The following PABPC1L variants were observed in gnomAD, a reference collection of about 807,000 sequenced individuals.
PABPC1L encodes polyadenylate-binding protein 1-like.
A neutral mutation model predicts 66.6 loss-of-function variants in PABPC1L; 31 were observed. The observed-to-expected ratio is 0.47, with a 90% confidence interval of 0.35 to 0.63. The LOEUF (loss-of-function observed/expected upper bound fraction) is 0.63, where lower values mean the gene tolerates loss of function less well. Among genes scored for constraint, PABPC1L ranks in the 20% least tolerant of loss-of-function variants. PABPC1L has a pLI of 0.00. For synonymous variants in PABPC1L, 348 were observed against 335.1 expected, an observed-to-expected ratio of 1.04 and a Z score of -0.42; for missense variants, 722 against 848.8, an observed-to-expected ratio of 0.85 and a Z score of 1.86.
In PABPC1L at chr20:44,911,886, C is replaced by G. The variant is rs368132767; in HGVS notation, c.194-774C>G. On this transcript the variant is annotated intron_variant, in intron 1 of 14. Coordinates refer to ENST00000217073, the MANE Select transcript of PABPC1L (RefSeq NM_001372179.1). The stretch of plus-strand genomic sequence containing the variant: ...TGCTCCACTGTGTTCCCCACAGCCC[C>G]CTTCCATGTCTCTGCACTAGCAGAC... Among the ~76,000 whole-genome samples the G allele has an allele frequency of 3.3e-5, 5 of 152,200 alleles. No individual in the cohort carries two copies. The East Asian group carries it at 5.8e-4, about 18-fold the overall frequency.
chr20:44,911,769 G>A (rs1004232695), intron 1 of PABPC1L, among the ~76,000 whole-genome samples: 3 of 152,152 alleles, frequency 2.0e-5, no homozygotes, highest in African/African-American at 7.2e-5. Context: ...GAATGAAGTG[G>A]GACTCGGCCT....
chr20:44,921,727 A>T lies in PABPC1L; in HGVS notation c.872A>T (p.Tyr291Phe). ...ATGAAGCAGGACCGGCTGAGGCGTT[A>T]CCAGGTGAGGTCAGGCTTCCTGGTG... is the stretch of plus-strand genomic sequence containing the variant. ...EQMKQDRLRRYQGVNLYVKNL... is the reference protein window; with the variant it reads ...EQMKQDRLRRFQGVNLYVKNL... Residue 291 changes from tyrosine to phenylalanine, a missense_variant, in exon 6 of 15, where the codon TAC becomes TTC. This residue lies in a region of PABPC1L where 137 missense variants were observed against 216.8 expected (regional missense o/e 0.63). Transcript: ENST00000217073. The T allele has an allele frequency of 6.2e-7, 1 of 1,613,290 alleles. No homozygotes were observed. The highest frequency in any genetic ancestry group is 8.5e-7 in the Non-Finnish European group (1 of 1,179,720).
chr20:44,913,568 G>A (rs561742817), intron 2 of PABPC1L, among the ~76,000 whole-genome samples: 5 of 152,086 alleles, frequency 3.3e-5, no homozygotes, highest in African/African-American at 9.6e-5. Flanking sequence ...TTACAGGTGC[G>A]AGCCACCATG....
chr20:44,919,039 C>A lies in PABPC1L; in HGVS notation c.637C>A (p.Gln213Lys). The part of the protein sequence containing the change: ...DEQGLQDLFS[Q>K]FGKMLSVKVM... ...GCAAGGCCTGCAGGACCTCTTCTCC[C>A]AGTTTGGTGGGTGTGTCCCCAAGGG... is the stretch of plus-strand genomic sequence containing the variant. Residue 213 changes from glutamine to lysine, a missense_variant, in exon 4 of 15, where the codon CAG becomes AAG. Physicochemically the swap from Gln to Lys is moderately conservative, Grantham distance 53. Transcript: ENST00000217073. 1.9e-6 allele frequency: 3 copies of A among 1,611,156 alleles called. No individual in the cohort carries two copies. Among genetic ancestry groups the A allele is most frequent in the Non-Finnish European group, 2.5e-6 (3 of 1,178,452 alleles).
At chr20:44,936,823 G>C in intron 12 of PABPC1L, 93 bp downstream of exon 12, 1 of 1,317,176 alleles carries the variant, frequency 7.6e-7, no homozygotes, top group Non-Finnish European at 1.1e-6. Flanking sequence ...GGTCCAACGT[G>C]AGGTCAAATT....
chr20:44,928,864 C>CAAA (rs10597679), intron 7 of PABPC1L, among the ~76,000 whole-genome samples: 25 of 54,338 alleles, frequency 4.6e-4, no homozygotes, highest in South Asian at 8.6e-4. Context: ...GATCCTGACT[C>CAAA]AAAAAAAAAA....
At chr20:44,927,304 A>G (rs148504391) in intron 7 of PABPC1L, among the ~76,000 whole-genome samples, 7 of 152,168 alleles carry the variant, frequency 4.6e-5, no homozygotes, top group African/African-American at 1.7e-4. Context: ...GCTAAATTTT[A>G]TCATTATTAA....
chr20:44,921,100 C>T (rs2066769795), intron 5 of PABPC1L, among the ~76,000 whole-genome samples: 1 of 151,696 alleles, frequency 6.6e-6, no homozygotes, highest in South Asian at 2.1e-4. Context: ...AGGTGTGAGC[C>T]ACTGTGCCTG....
chr20:44,924,245 A>G lies in PABPC1L; in HGVS notation c.961A>G (p.Thr321Ala). The change falls in exon 7 of 15, where the codon ACC (threonine) becomes GCC (alanine). Residue 321 changes from threonine (T) to alanine (A), a missense_variant. By Grantham distance (58) the Thr-to-Ala change is moderately conservative. This residue lies in a region of PABPC1L where 137 missense variants were observed against 216.8 expected (regional missense o/e 0.63). Transcript: ENST00000217073. Reference protein sequence around the residue: ...RKEFSPYGVITSAKVMTEGGH... With the variant: ...RKEFSPYGVIASAKVMTEGGH... ...AGAGTTCTCTCCCTATGGAGTAATTACCAGTGCGAAGGTGAGGACTGGGGG... is the reference window on the plus strand; with the variant it reads ...AGAGTTCTCTCCCTATGGAGTAATTGCCAGTGCGAAGGTGAGGACTGGGGG... The G allele has an allele frequency of 6.2e-7, 1 of 1,613,234 alleles. No individual in the cohort carries two copies. Among genetic ancestry groups the G allele is most frequent in the Non-Finnish European group, 8.5e-7 (1 of 1,179,240 alleles).
intron 1 of PABPC1L, among the ~76,000 whole-genome samples, chr20:44,911,998 CATT>C (rs2066708818): frequency 6.6e-6 from 1 of 152,192 alleles, no homozygotes; most frequent in Non-Finnish European, 1.5e-5. Context: ...TGTTTTGAGA[CATT>C]ATTTTGTGTC....
Position 44,938,092 on chromosome 20 carries a change from C to T in PABPC1L, c.1692C>T (p.Val564=). Residue 564 remains valine, a synonymous_variant, in exon 13 of 15, where the codon GTC becomes GTT. Coordinates refer to ENST00000217073, the MANE Select transcript of PABPC1L (RefSeq NM_001372179.1). ...GTCTCTACCCCCTTATCCATGATGTCCACACCCAGCTGGCTGGCAAGATCA... is the reference window on the plus strand; with the variant it reads ...GTCTCTACCCCCTTATCCATGATGTTCACACCCAGCTGGCTGGCAAGATCA... ...GERLYPLIHD[V]HTQLAGKITG... 6.2e-7 allele frequency: 1 copy of T among 1,614,172 alleles called. No homozygotes were observed. The highest frequency in any genetic ancestry group is 8.5e-7 in the Non-Finnish European group (1 of 1,180,034).
At chr20:44,923,402 C>A (rs1014943383) in intron 6 of PABPC1L, among the ~76,000 whole-genome samples, 44 of 152,104 alleles carry the variant, frequency 2.9e-4, no homozygotes, top group African/African-American at 1.0e-3. Context: ...GTGGGCAGAT[C>A]ACCTGAGGTC....
intron 10 of PABPC1L, among the ~76,000 whole-genome samples, chr20:44,934,410 A>C (rs1269366692): frequency 6.6e-6 from 1 of 152,158 alleles, no homozygotes; most frequent in Non-Finnish European, 1.5e-5. Flanking sequence ...GTGCACTGTC[A>C]CCACCATCCA....
Position 44,912,778 on chromosome 20 carries a change from G to A in PABPC1L, c.312G>A (p.Lys104=), listed in dbSNP as rs1177675534. The change falls in exon 2 of 15, where the codon AAG becomes AAA. Residue 104 remains lysine (K), a synonymous_variant. Coordinates refer to ENST00000217073, the MANE Select transcript of PABPC1L (RefSeq NM_001372179.1). The part of the protein sequence containing the change: ...RKSGVGNIFI[K]NLEDSIDNKA... ...CAGGTGTGGGCAACATCTTCATCAA[G>A]AACCTGGAGGACTCCATTGACAACA... The A allele has an allele frequency of 6.2e-7, 1 of 1,614,154 alleles. No homozygotes were observed. Among genetic ancestry groups the A allele is most frequent in the Non-Finnish European group, 8.5e-7 (1 of 1,180,012 alleles).
chr20:44,930,895 A>G (rs2066847976), intron 8 of PABPC1L, among the ~76,000 whole-genome samples, 169 bp downstream of exon 8: 2 of 152,224 alleles, frequency 1.3e-5, no homozygotes, highest in African/African-American at 4.8e-5. Context: ...GTGTTAGTCA[A>G]ATGGCATTTC....
Position 44,912,663 on chromosome 20 carries a change from A to C in PABPC1L, c.197A>C (p.Glu66Ala), listed in dbSNP as rs763426525. Residue 66 changes from glutamate to alanine, a missense_variant, in exon 2 of 15, where the codon GAG becomes GCG. Coordinates refer to ENST00000217073, the MANE Select transcript of PABPC1L (RefSeq NM_001372179.1). ...CTCTCCTCTTCCTTCTGTCCAGCGG[A>C]GCGGGCACTGGACACAATGAACTTT... ...YINFQQPADA[E>A]RALDTMNFEM... 1.2e-6 allele frequency: 2 copies of C among 1,610,058 alleles called. No homozygotes were observed. Among genetic ancestry groups the C allele is most frequent in the South Asian group, 2.2e-5 (2 of 90,872 alleles).
chr20:44,932,928 G>A (rs2066872523), intron 9 of PABPC1L, 129 bp from the exon 10 acceptor site: 3 of 623,674 alleles, frequency 4.8e-6, no homozygotes, highest in Non-Finnish European at 8.5e-6. Context: ...TCCTATTTCT[G>A]TTGTGAATGT....
intron 7 of PABPC1L, among the ~76,000 whole-genome samples, chr20:44,926,034 A>G (rs1175281778): frequency 6.6e-6 from 1 of 152,178 alleles, no homozygotes; most frequent in Non-Finnish European, 1.5e-5. Flanking sequence ...CAGCATCTGC[A>G]TTCAATAAGT....
chr20:44,938,645 T>TA, intron 13 of PABPC1L, 29 bp from the exon 14 acceptor site: 1 of 1,582,008 alleles, frequency 6.3e-7, no homozygotes. Context: ...ATAGCTGCAC[T>TA]AAGCCCCCCC....
Sources: allele counts gnomAD v4.1 joint callset (sites outside exome capture counted in the v4.1 genomes callset), GRCh38; gene constraint gnomAD v4.1.1; regional missense constraint gnomAD v4.1.1; transcripts MANE v1.5; gene names NCBI Gene and HGNC (gene_info 2026-07-23, HGNC 2026-07-21).